SLC14A2: variants seen among roughly 807,000 people sequenced by gnomAD.
SLC14A2 encodes the protein urea transporter 2.
SLC14A2 carries 91 observed loss-of-function variants against 104.6 expected under a neutral mutation model. The ratio of observed to expected loss-of-function variants is 0.87; its 90% CI spans 0.73 to 1.04. The LOEUF (loss-of-function observed/expected upper bound fraction) is 1.04. Among genes scored for constraint, SLC14A2 ranks in the 50% least tolerant of loss-of-function variants. The pLI is 0.00. For missense variants in SLC14A2, 1,189 were observed against 1,156.0 expected (o/e 1.03, Z -0.41); for synonymous variants, 476 against 466.4 (o/e 1.02, Z -0.27).
chr18:45,512,166 G>T (rs191764149), intron 2 of SLC14A2, among the ~76,000 whole-genome samples: 1 of 152,318 alleles, frequency 6.6e-6, no homozygotes, highest in East Asian at 1.9e-4. Context: ...AAAGAGAAAT[G>T]CTTGGGAACT....
intron 1 of SLC14A2, among the ~76,000 whole-genome samples, chr18:45,398,036 A>AAGTG (rs2086055415): frequency 6.6e-6 from 1 of 152,204 alleles, no homozygotes; most frequent in African/African-American, 2.4e-5. Flanking sequence ...AGGGACAACT[A>AAGTG]TAAGCCAGGA....
At chr18:45,674,395 C>G (rs1033844744) in intron 18 of SLC14A2, among the ~76,000 whole-genome samples, 4 of 152,012 alleles carry the variant, frequency 2.6e-5, no homozygotes, top group Admixed American at 1.3e-4. Context: ...TAAAAATTTT[C>G]CAAATATTCT....
intron 1 of SLC14A2, among the ~76,000 whole-genome samples, chr18:45,471,056 T>G (rs542274571): frequency 1.5e-4 from 23 of 152,260 alleles, no homozygotes; most frequent in African/African-American, 5.5e-4. Flanking sequence ...CCATAGTTTC[T>G]TCATTTTCTA....
chr18:45,657,907 C>T (rs1189255880), intron 10 of SLC14A2, among the ~76,000 whole-genome samples: 10 of 152,144 alleles, frequency 6.6e-5, no homozygotes, highest in Admixed American at 6.5e-4. Context: ...CACAAGTATC[C>T]ATATCGCACA....
intron 1 of SLC14A2, among the ~76,000 whole-genome samples, chr18:45,439,857 C>T (rs757939727): frequency 2.0e-5 from 3 of 152,196 alleles, no homozygotes; most frequent in Non-Finnish European, 4.4e-5. Flanking sequence ...CCTGGAAAGT[C>T]TTCCCTCAGG....
intron 2 of SLC14A2, among the ~76,000 whole-genome samples, chr18:45,510,447 C>T (rs931853902): frequency 6.6e-6 from 1 of 152,146 alleles, no homozygotes; most frequent in African/African-American, 2.4e-5. Flanking sequence ...CTATGCGGCT[C>T]CTACTGTGGA....
chr18:45,609,671 C>G (rs2044938374), intron 2 of SLC14A2, among the ~76,000 whole-genome samples: 1 of 152,228 alleles, frequency 6.6e-6, no homozygotes, highest in Admixed American at 6.5e-5. Flanking sequence ...TCTCTCCTCT[C>G]TATTCTCTTG....
At chr18:45,260,470 A>G (rs557790794) in intron 1 of SLC14A2, among the ~76,000 whole-genome samples, 2 of 152,288 alleles carry the variant, frequency 1.3e-5, no homozygotes, top group East Asian at 1.9e-4. Context: ...GTACATACCC[A>G]AAGGAAAATA....
At chr18:45,647,754 GT>G (rs1464050748) in intron 10 of SLC14A2, 2 of 148,770 alleles carry the variant, frequency 1.3e-5, no homozygotes, top group African/African-American at 5.0e-5. Context: ...TTAATAATGG[GT>G]TTCTTAATTT....
intron 2 of SLC14A2, among the ~76,000 whole-genome samples, chr18:45,609,782 G>A (rs780079432): frequency 1.3e-5 from 2 of 152,116 alleles, no homozygotes; most frequent in Non-Finnish European, 2.9e-5. Context: ...CTGAAATTGT[G>A]TACCACCTAT....
intron 1 of SLC14A2, among the ~76,000 whole-genome samples, chr18:45,227,624 A>G (rs2084132691): frequency 6.6e-6 from 1 of 152,192 alleles, no homozygotes; most frequent in Non-Finnish European, 1.5e-5. Flanking sequence ...TAATACCACC[A>G]CATTAGCAAA....
intron 1 of SLC14A2, among the ~76,000 whole-genome samples, chr18:45,367,585 C>T (rs921323534): frequency 1.3e-5 from 2 of 152,218 alleles, no homozygotes; most frequent in Non-Finnish European, 2.9e-5. Flanking sequence ...AGGTCACTTT[C>T]TCCCAGAAGT....
chr18:45,306,684 G>A lies in SLC14A2; in HGVS notation c.-125+93493G>A, dbSNP rs575949610. Reference sequence around the variant, plus strand: ...AGCTTGAGTAGAAGAGTCCAGAGCCGAGGTCAGTAGACCTGGGGTCTCGTT... The same window carrying A: ...AGCTTGAGTAGAAGAGTCCAGAGCCAAGGTCAGTAGACCTGGGGTCTCGTT... On this transcript the variant is annotated intron_variant, in intron 1 of 20. Transcript: ENST00000586448. 4.6e-5 allele frequency among the ~76,000 whole-genome samples: 7 copies of A among 152,256 alleles called. No individual in the cohort carries two copies. The South Asian group carries it at 8.3e-4, about 18-fold the overall frequency.
chr18:45,331,741 A>G (rs1044648801), intron 1 of SLC14A2, among the ~76,000 whole-genome samples: 3 of 152,198 alleles, frequency 2.0e-5, no homozygotes, highest in African/African-American at 7.2e-5. Context: ...ATAGAATAGT[A>G]TATATGCCCT....
intron 2 of SLC14A2, among the ~76,000 whole-genome samples, chr18:45,513,781 T>A (rs879600101): frequency 5.9e-5 from 9 of 152,192 alleles, no homozygotes; most frequent in Admixed American, 4.6e-4. Flanking sequence ...GGATATGAGA[T>A]ACTCTGTTTC....
intron 2 of SLC14A2, among the ~76,000 whole-genome samples, chr18:45,535,622 G>A (rs1311593047): frequency 6.6e-6 from 1 of 152,164 alleles, no homozygotes; most frequent in Non-Finnish European, 1.5e-5. Context: ...AGCAGAGACT[G>A]TGCAAGTGAC....
intron 1 of SLC14A2, among the ~76,000 whole-genome samples, chr18:45,216,021 G>A (rs960717381): frequency 2.0e-5 from 3 of 152,158 alleles, no homozygotes; most frequent in South Asian, 2.1e-4. Flanking sequence ...TAGCCTGCTT[G>A]TTGTGTCAAA....
intron 1 of SLC14A2, among the ~76,000 whole-genome samples, chr18:45,471,040 C>G (rs1250763923): frequency 6.6e-6 from 1 of 151,946 alleles, no homozygotes; most frequent in Non-Finnish European, 1.5e-5. Flanking sequence ...ACCACCAGTT[C>G]TTCTGCCATA....
At chr18:45,628,786 C>A (rs1403356324) in intron 4 of SLC14A2, among the ~76,000 whole-genome samples, 1 of 151,716 alleles carries the variant, frequency 6.6e-6, no homozygotes, top group Non-Finnish European at 1.5e-5. Flanking sequence ...GGGATGTGTG[C>A]GTGGGAGAGA....
Sources: gnomAD v4.1 joint callset for allele counts (sites outside exome capture counted in the v4.1 genomes callset) on GRCh38, gnomAD v4.1.1 for gene constraint, MANE v1.5 for transcripts, NCBI Gene and HGNC (gene_info 2026-07-23, HGNC 2026-07-21) for gene names.